The following MPDZ variants were observed in gnomAD, a reference collection of about 807,000 sequenced individuals.
The protein encoded by MPDZ is multiple PDZ domain protein.
MPDZ carries 234 observed loss-of-function variants against 239.1 expected under a neutral mutation model. That is an observed-to-expected ratio of 0.98 (90% confidence interval 0.88 to 1.09). The LOEUF is 1.09. Among genes scored for constraint, MPDZ ranks in the 50% least tolerant of loss-of-function variants. The pLI is 0.00. For missense variants in MPDZ, 3,175 were observed against 2,510.0 expected, an observed-to-expected ratio of 1.26 and a Z score of -5.66; for synonymous variants, 1,048 against 881.3, an observed-to-expected ratio of 1.19 and a Z score of -3.35.
intron 39 of MPDZ, among the ~76,000 whole-genome samples, chr9:13,117,843 CTTTTTT>C (rs201420389): frequency 7.6e-6 from 1 of 131,598 alleles, no homozygotes; most frequent in African/African-American, 2.9e-5. Context: ...TTCAGATTAG[CTTTTTT>C]TTTTTTTTTT....
chr9:13,250,254 G>A (rs746373353), intron 2 of MPDZ, 46 bp downstream of exon 2: 2 of 1,556,926 alleles, frequency 1.3e-6, no homozygotes, highest in Non-Finnish European at 1.8e-6. Flanking sequence ...CCCAATGGGA[G>A]GAGTTACAAT....
chr9:13,206,213 T>G (rs2135687283), intron 10 of MPDZ, 114 bp from the exon 11 acceptor site: 2 of 967,922 alleles, frequency 2.1e-6, no homozygotes, highest in Middle Eastern at 4.9e-4. Context: ...GGAGAATAAG[T>G]ATTCACCTTA....
chr9:13,217,728 G>C (rs1156341218), intron 8 of MPDZ, among the ~76,000 whole-genome samples: 1 of 151,412 alleles, frequency 6.6e-6, no homozygotes, highest in Non-Finnish European at 1.5e-5. Flanking sequence ...ATATCACTTT[G>C]GTCAACTATC....
chr9:13,230,235 T>C (rs79825924), intron 3 of MPDZ, among the ~76,000 whole-genome samples: 33 of 152,182 alleles, frequency 2.2e-4, no homozygotes, highest in Non-Finnish European at 3.5e-4. Flanking sequence ...CACTGAAAAA[T>C]AGTTTCGCAG....
At chr9:13,162,471 TATTA>T (rs1950599387) in intron 23 of MPDZ, among the ~76,000 whole-genome samples, 1 of 151,820 alleles carries the variant, frequency 6.6e-6, no homozygotes, top group African/African-American at 2.4e-5. Context: ...TAAAATTAAA[TATTA>T]ATTTATTAAT....
Position 13,184,530 on chromosome 9 carries a change from G to C in MPDZ, c.2482-945C>G, listed in dbSNP as rs141137256. Among the ~76,000 whole-genome samples, 496 of 151,894 alleles carry C rather than the reference G, an allele frequency of 3.3e-3. 1 individual carries two copies. The highest frequency in any genetic ancestry group is 0.011 in the African/African-American group (476 of 41,506). On this transcript the variant is annotated intron_variant, in intron 18 of 46. Coordinates refer to ENST00000319217, the MANE Select transcript of MPDZ (RefSeq NM_001378778.1). Reference sequence around the variant, plus strand: ...ATTAAAAATACCTGTGGGCCATTTTGAAGTGATTTTCTCTTCAAATATACT... The same window carrying C: ...ATTAAAAATACCTGTGGGCCATTTTCAAGTGATTTTCTCTTCAAATATACT...
intron 35 of MPDZ, 102 bp downstream of exon 35, chr9:13,125,114 A>G: frequency 1.7e-6 from 2 of 1,150,292 alleles, no homozygotes; most frequent in East Asian, 2.4e-5. Context: ...ACAACCTTCC[A>G]AACAGTGAGC....
At chr9:13,151,301 C>G (rs927906448) in intron 24 of MPDZ, among the ~76,000 whole-genome samples, 1 of 152,060 alleles carries the variant, frequency 6.6e-6, no homozygotes, top group Non-Finnish European at 1.5e-5. Flanking sequence ...AGCAATTCCA[C>G]TTGTGGGTAT....
intron 3 of MPDZ, among the ~76,000 whole-genome samples, chr9:13,229,078 T>C (rs1181940918): frequency 6.6e-6 from 1 of 152,070 alleles, no homozygotes; most frequent in Non-Finnish European, 1.5e-5. Context: ...TAGAGTAGCA[T>C]CCAAGAAAAC....
intron 2 of MPDZ, 46 bp downstream of exon 2, chr9:13,250,254 G>C (rs746373353): frequency 2.6e-6 from 4 of 1,556,808 alleles, no homozygotes; most frequent in East Asian, 4.6e-5. Context: ...CCCAATGGGA[G>C]GAGTTACAAT....
chr9:13,188,736 C>G, intron 17 of MPDZ, 48 bp downstream of exon 17: 1 of 1,544,718 alleles, frequency 6.5e-7, no homozygotes, highest in Non-Finnish European at 8.8e-7. Context: ...ACCTATGAAC[C>G]ATTTTGCTTA....
chr9:13,222,575 C>T, intron 5 of MPDZ, 129 bp from the exon 6 acceptor site: 1 of 730,708 alleles, frequency 1.4e-6, no homozygotes. Flanking sequence ...CTTTTTCCTG[C>T]AGTTCTACTT....
chr9:13,214,199 T>A (rs758689015), intron 10 of MPDZ, among the ~76,000 whole-genome samples: 1 of 151,884 alleles, frequency 6.6e-6, no homozygotes, highest in Non-Finnish European at 1.5e-5. Context: ...AATGGGTAAA[T>A]AAAATATGGT....
Position 13,123,540 on chromosome 9 carries a change from T to G in MPDZ, c.4808-242A>C, listed in dbSNP as rs1261118997. Among the ~76,000 whole-genome samples the G allele has an allele frequency of 7.2e-5, 11 of 152,290 alleles. No individual in the cohort carries two copies. The East Asian group carries it at 2.1e-3, about 29-fold the overall frequency. On this transcript the variant is annotated intron_variant, in intron 35 of 46. Transcript: ENST00000319217. ...CCAAAAATTACCTATTTAATTATTT[T>G]CTATGCTATCCTACATGTTTTAAAT... is the stretch of plus-strand genomic sequence containing the variant.
intron 1 of MPDZ, among the ~76,000 whole-genome samples, chr9:13,263,365 T>C (rs1971117354): frequency 6.6e-6 from 1 of 151,560 alleles, no homozygotes; most frequent in Non-Finnish European, 1.5e-5. Context: ...TAGTGCAATA[T>C]TTTTCAAATC....
In MPDZ at chr9:13,107,049, C is replaced by A; in HGVS notation, c.6129G>T (p.Gln2043His). ...RGDQIIAVNG[Q>H]SLEGVTHEEA... ...CTTCATGGGTGACTCCTTCTAGACT[C>A]TGCCCATTGACAGCAATGATCTGAT... The change falls in exon 47 of 47, where the codon CAG becomes CAT. Residue 2043 changes from glutamine to histidine, a missense_variant. By Grantham distance (24) the Gln-to-His change is conservative. Transcript: ENST00000319217. 8 of 1,610,790 alleles carry A rather than the reference C, an allele frequency of 5.0e-6. No homozygotes were observed. The highest frequency in any genetic ancestry group is 6.8e-6 in the Non-Finnish European group (8 of 1,177,578).
chr9:13,222,807 A>G (rs979700467), intron 5 of MPDZ, among the ~76,000 whole-genome samples: 2 of 151,840 alleles, frequency 1.3e-5, no homozygotes, highest in Admixed American at 1.3e-4. Context: ...TTAGATCCCC[A>G]ACTGGGGATC....
chr9:13,112,218 T>A (rs1942609827), intron 42 of MPDZ, 72 bp from the exon 43 acceptor site: 1 of 1,447,770 alleles, frequency 6.9e-7, no homozygotes, highest in Non-Finnish European at 9.3e-7. Flanking sequence ...TTCTTTGGCA[T>A]GATATCTATA....
At chr9:13,126,444 C>G in intron 34 of MPDZ, 72 bp downstream of exon 34, 1 of 1,005,846 alleles carries the variant, frequency 9.9e-7, no homozygotes, top group Non-Finnish European at 1.5e-6. Flanking sequence ...TCTCTATGAT[C>G]GCAGACACAA....
Sources: gnomAD v4.1 joint callset for allele counts (sites outside exome capture counted in the v4.1 genomes callset) on GRCh38, gnomAD v4.1.1 for gene constraint, MANE v1.5 for transcripts, NCBI Gene and HGNC (gene_info 2026-07-23, HGNC 2026-07-21) for gene names.